The following LGR4 variants were observed in gnomAD, a reference collection of about 807,000 sequenced individuals.
LGR4 encodes leucine-rich repeat-containing G protein-coupled receptor 4.
Under a neutral mutation model 84.8 loss-of-function variants are expected in LGR4, and 44 were observed. That is an observed-to-expected ratio of 0.52 (90% CI 0.41 to 0.67). LGR4 has a LOEUF of 0.67. LGR4 is among the 30% of genes least tolerant of loss of function. The pLI is 0.00. For missense variants in LGR4, 1,032 were observed against 1,131.4 expected, an observed-to-expected ratio of 0.91 and a Z score of 1.26; for synonymous variants, 429 against 434.3, an observed-to-expected ratio of 0.99 and a Z score of 0.15.
At chr11:27,453,257 C>T (rs1864517122) in intron 1 of LGR4, among the ~76,000 whole-genome samples, 1 of 152,034 alleles carries the variant, frequency 6.6e-6, no homozygotes, top group Admixed American at 6.6e-5. Flanking sequence ...TTAGTAAAGA[C>T]AGGGTTTCAC....
rs1230225322 is a variant in LGR4 at position 27,368,702 on chromosome 11, G to A, written c.2021C>T (p.Thr674Ile). 6.2e-7 allele frequency: 1 copy of A among 1,613,730 alleles called. No homozygotes were observed. The highest frequency in any genetic ancestry group is 1.7e-5 in the Admixed American group (1 of 59,976). ...GAAAAGGGGAAAACAGCCTGCTACT[G>A]TAGCACCTAGGAAAGCCAAAAGGGC... ...VAALLAFLGATVAGCFPLFHR... is the reference protein window; with the variant it reads ...VAALLAFLGAIVAGCFPLFHR... Residue 674 changes from threonine to isoleucine, a missense_variant, in exon 18 of 18, where the codon ACA becomes ATA. Thr to Ile is a moderately conservative substitution (Grantham distance 89). Coordinates refer to ENST00000379214, the MANE Select transcript of LGR4 (RefSeq NM_018490.5).
intron 2 of LGR4, 146 bp downstream of exon 2, chr11:27,412,642 AG>A: frequency 1.5e-6 from 1 of 670,128 alleles, no homozygotes; most frequent in Non-Finnish European, 2.7e-6. Context: ...ACTTCCCCCA[AG>A]AAACATGATT....
chr11:27,456,961 A>G (rs1270072719), intron 1 of LGR4, among the ~76,000 whole-genome samples: 1 of 151,892 alleles, frequency 6.6e-6, no homozygotes, highest in Non-Finnish European at 1.5e-5. Context: ...TTTTTCCTGT[A>G]ATAACCTGTA....
intron 2 of LGR4, among the ~76,000 whole-genome samples, chr11:27,409,992 T>C (rs957520276): frequency 6.6e-6 from 1 of 152,182 alleles, no homozygotes; most frequent in African/African-American, 2.4e-5. Flanking sequence ...CTTTCTGCAA[T>C]GATGGAAATG....
At chr11:27,424,294 C>T (rs1863979547) in intron 1 of LGR4, among the ~76,000 whole-genome samples, 1 of 152,070 alleles carries the variant, frequency 6.6e-6, no homozygotes, top group South Asian at 2.1e-4. Context: ...AATTCCAGTA[C>T]TTTGGGAGGC....
intron 2 of LGR4, among the ~76,000 whole-genome samples, chr11:27,392,756 T>G (rs2133379314): frequency 6.6e-6 from 1 of 152,296 alleles, no homozygotes; most frequent in African/African-American, 2.4e-5. Flanking sequence ...GGCACATTTT[T>G]ATTCTGGTGA....
intron 2 of LGR4, among the ~76,000 whole-genome samples, chr11:27,408,439 C>T (rs11825412): frequency 0.2 from 31,056 of 152,024 alleles, 3,320 homozygotes; most frequent in East Asian, 0.28. Flanking sequence ...CTGGCAATGG[C>T]TTCTACTGCT....
chr11:27,446,512 G>C (rs537442215), intron 1 of LGR4, among the ~76,000 whole-genome samples: 9 of 152,146 alleles, frequency 5.9e-5, no homozygotes, highest in South Asian at 2.1e-4. Flanking sequence ...TTAGAATGGC[G>C]ATCATTAAAA....
chr11:27,383,619 A>G (rs890682824), intron 6 of LGR4, among the ~76,000 whole-genome samples: 1 of 152,212 alleles, frequency 6.6e-6, no homozygotes. Flanking sequence ...GTCAAATAAA[A>G]TACTACATAC....
At position 27,416,781 on chromosome 11, in the gene LGR4, AT is replaced by A. The variant is rs759119390; in HGVS notation, c.186-3922del. Among the ~76,000 whole-genome samples, 11 of 152,332 alleles carry A rather than the reference AT, an allele frequency of 7.2e-5. No homozygotes were observed. In the East Asian group the frequency reaches 1.3e-3, roughly 19 times the overall value. ...CATGAACTCCCAAATACCAGCAGTC[AT>A]TGATTTCAAAATTAAAATTTAAAGG... On this transcript the variant is annotated intron_variant, in intron 1 of 17. Transcript: ENST00000379214.
chr11:27,367,809 G>A lies in LGR4; in HGVS notation c.*58C>T, dbSNP rs1380115161. 5 of 1,269,558 alleles carry A rather than the reference G, an allele frequency of 3.9e-6. No homozygotes were observed. In the African/African-American group the frequency reaches 6.0e-5, roughly 15 times the overall value. The allele number at this position is 1,269,558 out of a possible 1,614,324, so 78.6% of individuals were successfully genotyped here. On this transcript the variant is annotated 3_prime_UTR_variant, in exon 18 of 18. Coordinates refer to ENST00000379214, the MANE Select transcript of LGR4 (RefSeq NM_018490.5). ...TTCCCAGATGAAAGATGAGAATAGG[G>A]TTCACTCTATAAACACTGATTTTGG... is the stretch of plus-strand genomic sequence containing the variant.
chr11:27,377,502 C>T, intron 11 of LGR4, among the ~76,000 whole-genome samples: 1 of 151,088 alleles, frequency 6.6e-6, no homozygotes, highest in East Asian at 1.9e-4. Context: ...AAGTACATAA[C>T]ATAAATATAT....
At chr11:27,421,173 C>T (rs1178859008) in intron 1 of LGR4, among the ~76,000 whole-genome samples, 1 of 152,190 alleles carries the variant, frequency 6.6e-6, no homozygotes, top group Non-Finnish European at 1.5e-5. Context: ...TTAATTCCAG[C>T]TTCCTTCACT....
chr11:27,394,369 G>A (rs553813271), intron 2 of LGR4, among the ~76,000 whole-genome samples: 1 of 152,132 alleles, frequency 6.6e-6, no homozygotes, highest in South Asian at 2.1e-4. Context: ...AGACTAGCCA[G>A]CTTTATCACT....
At chr11:27,453,591 AC>A (rs1395527340) in intron 1 of LGR4, among the ~76,000 whole-genome samples, 4 of 150,740 alleles carry the variant, frequency 2.7e-5, no homozygotes, top group East Asian at 3.9e-4. Context: ...CTAATCCCCC[AC>A]CCCCCTGCCA....
intron 7 of LGR4, among the ~76,000 whole-genome samples, chr11:27,381,706 CA>C (rs3085345): frequency 0.72 from 107,882 of 150,472 alleles, 39,012 homozygotes; most frequent in African/African-American, 0.79. Flanking sequence ...TACAAACAAT[CA>C]AAAAAAAAAA....
In LGR4 at chr11:27,400,319, G is replaced by A. The variant is rs147242728; in HGVS notation, c.258-7801C>T. On this transcript the variant is annotated intron_variant, in intron 2 of 17. Transcript: ENST00000379214. The stretch of plus-strand genomic sequence containing the variant: ...GTGTCATGGGTCAAGCAAGCTTATC[G>A]CCCCCTACTCCTCCTGCTTTTTTTG... Among the ~76,000 whole-genome samples, 212 of 152,014 alleles carry A rather than the reference G, an allele frequency of 1.4e-3. 2 individuals carry two copies. Among genetic ancestry groups the A allele is most frequent in the African/African-American group, 4.8e-3 (198 of 41,454 alleles).
intron 1 of LGR4, among the ~76,000 whole-genome samples, 182 bp from the exon 2 acceptor site, chr11:27,413,042 T>C (rs2133398919): frequency 6.6e-6 from 1 of 152,252 alleles, no homozygotes; most frequent in East Asian, 1.9e-4. Context: ...AAATGTTCTG[T>C]TATAAATTAT....
intron 8 of LGR4, 82 bp from the exon 9 acceptor site, chr11:27,380,793 T>G: frequency 8.4e-7 from 1 of 1,192,812 alleles, no homozygotes; most frequent in South Asian, 1.3e-5. Context: ...AATGTACATA[T>G]ATCTAAAATC....
Sources: allele counts gnomAD v4.1 joint callset (sites outside exome capture counted in the v4.1 genomes callset), GRCh38; gene constraint gnomAD v4.1.1; transcripts MANE v1.5; gene names NCBI Gene and HGNC (gene_info 2026-07-23, HGNC 2026-07-21).